SPMIP11: variants seen among roughly 807,000 people sequenced by gnomAD.
SPMIP11 encodes long intergenic non-protein coding RNA 935.
chr12:48,763,631 C>A, the SPMIP11 span, among the ~76,000 whole-genome samples: 1 of 150,648 alleles, frequency 6.6e-6, no homozygotes, highest in Non-Finnish European at 1.5e-5. Flanking sequence ...TAAAAATATA[C>A]AAATTTTATA....
chr12:48,748,058 C>T, the SPMIP11 span, among the ~76,000 whole-genome samples: 1 of 152,134 alleles, frequency 6.6e-6, no homozygotes, highest in Non-Finnish European at 1.5e-5. Context: ...TTCACATCTC[C>T]CTCCTTGAAT....
chr12:48,764,743 C>G, the SPMIP11 span: 2 of 622,678 alleles, frequency 3.2e-6, no homozygotes, highest in Non-Finnish European at 5.8e-6. Context: ...GCACCTGGTC[C>G]GGCCAAGCAG....
chr12:48,746,600 C>T, the SPMIP11 span, among the ~76,000 whole-genome samples: 4 of 152,012 alleles, frequency 2.6e-5, no homozygotes, highest in Middle Eastern at 3.4e-3. Flanking sequence ...CCCCTGACCC[C>T]GTGATCCACC....
the SPMIP11 span, among the ~76,000 whole-genome samples, chr12:48,770,239 A>G: frequency 6.6e-6 from 1 of 152,044 alleles, no homozygotes; most frequent in Non-Finnish European, 1.5e-5. Flanking sequence ...AAAGGTAGGT[A>G]TTATTATCCC....
At chr12:48,747,383 C>T in the SPMIP11 span, among the ~76,000 whole-genome samples, 1 of 152,130 alleles carries the variant, frequency 6.6e-6, no homozygotes, top group Non-Finnish European at 1.5e-5. Flanking sequence ...AAGCCTAGGG[C>T]TTCATCTTCA....
the SPMIP11 span, among the ~76,000 whole-genome samples, chr12:48,764,297 C>T: frequency 6.6e-6 from 1 of 152,008 alleles, no homozygotes; most frequent in South Asian, 2.1e-4. Flanking sequence ...CCCAAAAGTA[C>T]TTTTTCAAAC....
chr12:48,730,947 A>C, the SPMIP11 span, among the ~76,000 whole-genome samples: 204 of 152,256 alleles, frequency 1.3e-3, no homozygotes, highest in Non-Finnish European at 1.6e-3. Context: ...CCCGCCCCCC[A>C]AAAAAAGAAA....
At chr12:48,753,692 C>CTTTTTTTTTTTTTT in the SPMIP11 span, among the ~76,000 whole-genome samples, 25 of 118,806 alleles carry the variant, frequency 2.1e-4, 1 homozygote, top group Non-Finnish European at 2.8e-4. Flanking sequence ...TTTTTTTTTT[C>CTTTTTTTTTTTTTT]TTTTTTTTTT....
the SPMIP11 span, among the ~76,000 whole-genome samples, chr12:48,753,524 G>T: frequency 6.6e-6 from 1 of 151,994 alleles, no homozygotes; most frequent in African/African-American, 2.4e-5. Context: ...GGACACAAAA[G>T]GTAGTCTTCC....
chr12:48,763,820 A>C, the SPMIP11 span, among the ~76,000 whole-genome samples: 1 of 151,686 alleles, frequency 6.6e-6, no homozygotes, highest in Non-Finnish European at 1.5e-5. Context: ...CTGCGATTAC[A>C]GGCACCCCCC....
chr12:48,728,430 C>T, the SPMIP11 span, among the ~76,000 whole-genome samples: 7 of 152,194 alleles, frequency 4.6e-5, 1 homozygote, highest in Middle Eastern at 6.8e-3. Flanking sequence ...AGGGGATGGC[C>T]GGGTGCGGTG....
the SPMIP11 span, chr12:48,759,288 C>T: frequency 1.4e-6 from 1 of 702,974 alleles, no homozygotes; most frequent in African/African-American, 1.7e-5. Flanking sequence ...AGAATAGCCA[C>T]ACAAGATACC....
the SPMIP11 span, among the ~76,000 whole-genome samples, chr12:48,740,078 G>GTGATGA: frequency 6.6e-6 from 1 of 151,940 alleles, no homozygotes; most frequent in South Asian, 2.1e-4. Context: ...TAATATCATT[G>GTGATGA]TGATGATGAT....
chr12:48,743,504 A>T, the SPMIP11 span, among the ~76,000 whole-genome samples: 4 of 152,200 alleles, frequency 2.6e-5, no homozygotes, highest in African/African-American at 9.6e-5. Flanking sequence ...ACTTTTGGCA[A>T]GCATGAATTA....
chr12:48,768,053 C>T, the SPMIP11 span: 6 of 176,936 alleles, frequency 3.4e-5, no homozygotes, highest in Admixed American at 2.1e-4. Flanking sequence ...CTGCTCTGTG[C>T]ATAGGAGGGA....
chr12:48,749,655 AAAAAAAG>A, the SPMIP11 span, among the ~76,000 whole-genome samples: 3 of 130,078 alleles, frequency 2.3e-5, no homozygotes, highest in Non-Finnish European at 3.6e-5. Context: ...AAAAAAAAAA[AAAAAAAG>A]AGTTGTTTTT....
the SPMIP11 span, among the ~76,000 whole-genome samples, chr12:48,770,063 A>ATTTT: frequency 8.9e-6 from 1 of 112,910 alleles, no homozygotes; most frequent in African/African-American, 3.5e-5. Flanking sequence ...GCCCGGCCTA[A>ATTTT]TTTTTTTTTT....
At chr12:48,769,428 A>C in the SPMIP11 span, among the ~76,000 whole-genome samples, 1 of 151,186 alleles carries the variant, frequency 6.6e-6, no homozygotes, top group Non-Finnish European at 1.5e-5. Flanking sequence ...AAAAAAAAAA[A>C]AAAAAACCCA....
At chr12:48,755,831 A>G in the SPMIP11 span, among the ~76,000 whole-genome samples, 1 of 150,962 alleles carries the variant, frequency 6.6e-6, no homozygotes, top group Non-Finnish European at 1.5e-5. Context: ...CTCAGTCTAG[A>G]CTGGCCACTA....
Sources: allele counts gnomAD v4.1 joint callset (sites outside exome capture counted in the v4.1 genomes callset), GRCh38; gene constraint gnomAD v4.1.1; transcripts MANE v1.5; gene names NCBI Gene and HGNC (gene_info 2026-07-23, HGNC 2026-07-21).